Variants in FRMD4A observed in about 807,000 individuals in gnomAD.
FRMD4A encodes FERM domain containing 4A.
FRMD4A carries 29 observed loss-of-function variants against 129.1 expected under a neutral mutation model. That is an observed-to-expected ratio of 0.22 (90% confidence interval 0.17 to 0.31). FRMD4A has a LOEUF of 0.31. Ranked by LOEUF, FRMD4A falls within the 10% of genes least tolerant of loss-of-function variation. FRMD4A has a pLI of 1.00. For synonymous variants in FRMD4A, 634 were observed against 571.6 expected, an observed-to-expected ratio of 1.11 and a Z score of -1.56; for missense variants, 1,272 against 1,375.8, an observed-to-expected ratio of 0.92 and a Z score of 1.19.
chr10:13,767,629 T>C (rs1171258054), intron 6 of FRMD4A, among the ~76,000 whole-genome samples: 2 of 152,236 alleles, frequency 1.3e-5, no homozygotes, highest in African/African-American at 2.4e-5. Flanking sequence ...ATTTTTTTCC[T>C]GGGATTCTGG....
intron 6 of FRMD4A, among the ~76,000 whole-genome samples, chr10:13,770,346 G>A (rs1198675135): frequency 6.6e-6 from 1 of 152,158 alleles, no homozygotes; most frequent in African/African-American, 2.4e-5. Flanking sequence ...CTGCCGCGTT[G>A]GGATTTCTCA....
At chr10:13,799,633 C>T (rs916653755) in intron 4 of FRMD4A, among the ~76,000 whole-genome samples, 4 of 152,166 alleles carry the variant, frequency 2.6e-5, no homozygotes, top group South Asian at 2.1e-4. Context: ...CAGCCTCCTG[C>T]GAGTACACCA....
intron 3 of FRMD4A, among the ~76,000 whole-genome samples, chr10:13,843,403 G>C (rs2093997855): frequency 6.6e-6 from 1 of 152,146 alleles, no homozygotes. Flanking sequence ...GACCAGCTGT[G>C]GTCTGGGGTG....
At chr10:14,203,112 C>T (rs1842686605) in intron 2 of FRMD4A, among the ~76,000 whole-genome samples, 1 of 152,162 alleles carries the variant, frequency 6.6e-6, no homozygotes, top group South Asian at 2.1e-4. Flanking sequence ...TGTCTGACAC[C>T]TCCAGGGCCG....
At chr10:13,891,505 C>A (rs1202379756) in intron 2 of FRMD4A, 1 of 670,332 alleles carries the variant, frequency 1.5e-6, no homozygotes, top group Non-Finnish European at 1.8e-6. Flanking sequence ...GACTCCAGGC[C>A]CCCAGTAAAG....
chr10:13,762,297 C>A (rs2092106034), intron 7 of FRMD4A, among the ~76,000 whole-genome samples: 1 of 152,142 alleles, frequency 6.6e-6, no homozygotes, highest in Non-Finnish European at 1.5e-5. Context: ...CTAACTCTAG[C>A]TATTCACTTG....
At chr10:13,764,106 G>C (rs576468972) in intron 6 of FRMD4A, among the ~76,000 whole-genome samples, 168 of 152,140 alleles carry the variant, frequency 1.1e-3, no homozygotes, top group African/African-American at 3.8e-3. Flanking sequence ...AATTTGATGA[G>C]TTTGGACAGA....
chr10:13,972,070 C>A, intron 2 of FRMD4A: 1 of 1,137,096 alleles, frequency 8.8e-7, no homozygotes, highest in Non-Finnish European at 1.1e-6. Context: ...GGGGACTCAC[C>A]AGGGACAAGG....
At chr10:13,947,472 G>A (rs1287113088) in intron 2 of FRMD4A, among the ~76,000 whole-genome samples, 1 of 152,116 alleles carries the variant, frequency 6.6e-6, no homozygotes, top group East Asian at 1.9e-4. Flanking sequence ...AAGATGGAGT[G>A]GAGTTGGGAA....
intron 2 of FRMD4A, among the ~76,000 whole-genome samples, chr10:14,125,826 G>A (rs1342833132): frequency 2.6e-5 from 4 of 150,986 alleles, no homozygotes; most frequent in Admixed American, 6.6e-5. Flanking sequence ...GCAAGCATTA[G>A]TAGGTAAGTC....
chr10:13,822,974 C>T (rs141799393), intron 3 of FRMD4A, among the ~76,000 whole-genome samples: 2 of 152,212 alleles, frequency 1.3e-5, no homozygotes, highest in Non-Finnish European at 2.9e-5. Flanking sequence ...CCCCATTTGT[C>T]CCTCTCCTTC....
At chr10:14,185,552 C>G (rs549544011) in intron 2 of FRMD4A, among the ~76,000 whole-genome samples, 12 of 152,246 alleles carry the variant, frequency 7.9e-5, no homozygotes, top group Non-Finnish European at 1.3e-4. Context: ...AAACATAAAG[C>G]AAGACTATTT....
At chr10:13,661,436 C>T (rs1278490107) in intron 19 of FRMD4A, among the ~76,000 whole-genome samples, 1 of 152,052 alleles carries the variant, frequency 6.6e-6, no homozygotes, top group Non-Finnish European at 1.5e-5. Context: ...TCTGGCCAGG[C>T]AGGGGCTGGT....
In FRMD4A at chr10:14,182,557, A is replaced by AT. The variant is rs796855041; in HGVS notation, c.45+147500dup. 3.7e-4 allele frequency among the ~76,000 whole-genome samples: 56 copies of AT among 150,772 alleles called. 1 individual carries two copies. The highest frequency in any genetic ancestry group is 1.2e-3 in the African/African-American group (49 of 41,056). On this transcript the variant is annotated intron_variant, in intron 2 of 24. Transcript: ENST00000357447. ...GCAAGAGAAGTCTGACAAGACAAAA[A>AT]TTTTTTTTTTCTCTAATTGGCCTAT...
In FRMD4A at chr10:13,657,103, C is replaced by A; in HGVS notation, c.2486G>T (p.Ser829Ile). Residue 829 changes from serine (S) to isoleucine (I), a missense_variant, in exon 22 of 25, where the codon AGC becomes ATC. By Grantham distance (142) the Ser-to-Ile change is moderately radical (BLOSUM62 -2). Around this residue, in one of 2 missense-constraint regions of FRMD4A, gnomAD observed 972 missense variants for 892.3 expected, o/e 1.09. Coordinates refer to ENST00000357447, the MANE Select transcript of FRMD4A (RefSeq NM_018027.5). ...GTACTCCTTGATGCGGTACTGCGAG[C>A]TGGGCTGGCTCTGGCTGTGCAGGTA... ...GVYLHSQSQP[S>I]SQYRIKEYPL... The A allele has an allele frequency of 6.4e-7, 1 of 1,566,144 alleles. No homozygotes were observed. The highest frequency in any genetic ancestry group is 8.6e-7 in the Non-Finnish European group (1 of 1,162,422).
intron 2 of FRMD4A, among the ~76,000 whole-genome samples, chr10:14,192,950 A>C (rs1232980734): frequency 6.6e-6 from 1 of 152,236 alleles, no homozygotes; most frequent in Non-Finnish European, 1.5e-5. Context: ...ATTTGCACAG[A>C]CAGTAATGCC....
At chr10:13,733,052 T>C (rs527708501) in intron 12 of FRMD4A, among the ~76,000 whole-genome samples, 4 of 152,160 alleles carry the variant, frequency 2.6e-5, no homozygotes, top group African/African-American at 7.2e-5. Context: ...ACAGCGGAGG[T>C]TAAGAGCCAC....
chr10:14,201,355 G>T (rs752361309), intron 2 of FRMD4A, among the ~76,000 whole-genome samples: 1 of 152,122 alleles, frequency 6.6e-6, no homozygotes, highest in Non-Finnish European at 1.5e-5. Flanking sequence ...AATAACTGGC[G>T]TCGGTTCCAT....
At chr10:13,829,434 G>C (rs1173108814) in intron 3 of FRMD4A, among the ~76,000 whole-genome samples, 1 of 152,010 alleles carries the variant, frequency 6.6e-6, no homozygotes, top group Non-Finnish European at 1.5e-5. Context: ...AGGCTGCTGT[G>C]AGCCATGATT....
Sources: allele counts gnomAD v4.1 joint callset (sites outside exome capture counted in the v4.1 genomes callset), GRCh38; gene constraint gnomAD v4.1.1; regional missense constraint gnomAD v4.1.1; transcripts MANE v1.5; gene names NCBI Gene and HGNC (gene_info 2026-07-23, HGNC 2026-07-21).